The following ELP2 variants were observed in gnomAD, a reference collection of about 807,000 sequenced individuals.
ELP2 encodes elongator acetyltransferase complex subunit 2, also known as elongator complex protein 2.
In ELP2, 90 loss-of-function variants were observed where a neutral mutation model predicts 119.2. The observed-to-expected ratio is 0.75, with a 90% CI of 0.64 to 0.90. The LOEUF (loss-of-function observed/expected upper bound fraction) is 0.90, where lower values mean the gene tolerates loss of function less well. Ranked by LOEUF, ELP2 falls within the 40% of genes least tolerant of loss-of-function variation. The pLI, the probability that ELP2 is intolerant of heterozygous loss-of-function variation, is 0.00. For missense variants in ELP2, 921 were observed against 967.8 expected, an observed-to-expected ratio of 0.95 and a Z score of 0.64; for synonymous variants, 339 against 331.0, an observed-to-expected ratio of 1.02 and a Z score of -0.26.
rs1330524034 is a variant in ELP2, at chr18:36,163,273, GGGGT to G, written c.1762-1200_1762-1197del. On this transcript the variant is annotated intron_variant, in intron 17 of 21. Coordinates refer to ENST00000358232, the MANE Select transcript of ELP2 (RefSeq NM_018255.4). ...TTTATGGCCGAGTAGTAGTTCATGGGGGGTGTGTGTGTGTGTGTGTGTGTGTATA... is the reference window on the plus strand; with the variant it reads ...TTTATGGCCGAGTAGTAGTTCATGGGGTGTGTGTGTGTGTGTGTGTGTATA... Among the ~76,000 whole-genome samples the G allele has an allele frequency of 8.2e-3, 9 of 1,098 alleles. No individual in the cohort carries two copies. In the East Asian group the frequency reaches 0.21, roughly 26 times the overall value. 0.7% of individuals were successfully genotyped at this position (1,098 alleles called of 152,430 possible). A position where few individuals can be genotyped will look rare whatever the true frequency, so the allele number is the denominator to read the frequency against.
intron 3 of ELP2, among the ~76,000 whole-genome samples, chr18:36,137,665 A>C (rs1218180360): frequency 1.3e-5 from 2 of 152,148 alleles, no homozygotes; most frequent in Non-Finnish European, 2.9e-5. Flanking sequence ...GGGATTTCCC[A>C]CTTCTCTTTG....
chr18:36,173,819 T>G (rs961424388), intron 21 of ELP2, among the ~76,000 whole-genome samples: 1 of 152,224 alleles, frequency 6.6e-6, no homozygotes, highest in African/African-American at 2.4e-5. Flanking sequence ...ATTTGCAGGT[T>G]AAATTTATAG....
chr18:36,153,836 A>G (rs1004091707), intron 11 of ELP2, among the ~76,000 whole-genome samples: 6 of 151,740 alleles, frequency 4.0e-5, no homozygotes, highest in African/African-American at 1.5e-4. Flanking sequence ...GAAGGTACAG[A>G]GTTTCCACGT....
At chr18:36,166,197 C>CAA (rs11450650) in intron 18 of ELP2, among the ~76,000 whole-genome samples, 5 of 148,642 alleles carry the variant, frequency 3.4e-5, no homozygotes, top group South Asian at 2.1e-4. Context: ...CGTCCCCCTG[C>CAA]AAAAAAAAAT....
chr18:36,174,687 T>C lies in ELP2; in HGVS notation c.*46T>C, dbSNP rs776102281. 56 of 1,594,760 alleles carry C rather than the reference T, an allele frequency of 3.5e-5. No individual in the cohort carries two copies. Among genetic ancestry groups the C allele is most frequent in the Non-Finnish European group, 4.7e-5 (55 of 1,163,550 alleles). ...TTGCAGTCACTGGTATCTTAAAATATTATCATGTAAACAGGTCATCTTTAC... is the reference window on the plus strand; with the variant it reads ...TTGCAGTCACTGGTATCTTAAAATACTATCATGTAAACAGGTCATCTTTAC... On this transcript the variant is annotated 3_prime_UTR_variant, in exon 22 of 22. Coordinates refer to ENST00000358232, the MANE Select transcript of ELP2 (RefSeq NM_018255.4).
Position 36,129,991 on chromosome 18 carries a change from G to C in ELP2, c.58G>C (p.Gly20Arg), listed in dbSNP as rs1459931442. 1 of 1,614,210 alleles carries C rather than the reference G, an allele frequency of 6.2e-7. No homozygotes were observed. The highest frequency in any genetic ancestry group is 8.5e-7 in the Non-Finnish European group (1 of 1,180,032). ...HVFCCPNRVRGVLNWSSGPRG... is the reference protein window; with the variant it reads ...HVFCCPNRVRRVLNWSSGPRG... ...GTTTTGCTGCCCAAACCGGGTGCGGGGAGTCCTGAACTGGAGCTCTGGGCC... is the reference window on the plus strand; with the variant it reads ...GTTTTGCTGCCCAAACCGGGTGCGGCGAGTCCTGAACTGGAGCTCTGGGCC... Residue 20 changes from glycine to arginine, a missense_variant, in exon 1 of 22, where the codon GGA (glycine) becomes CGA (arginine). Coordinates refer to ENST00000358232, the MANE Select transcript of ELP2 (RefSeq NM_018255.4).
chr18:36,155,267 C>A (rs1303073869), intron 12 of ELP2, among the ~76,000 whole-genome samples: 1 of 66,654 alleles, frequency 1.5e-5, no homozygotes, highest in Non-Finnish European at 3.9e-5. Flanking sequence ...CCGCCCCTCC[C>A]CCCCCCCCGC....
At chr18:36,156,897 A>G (rs2090592001) in intron 13 of ELP2, among the ~76,000 whole-genome samples, 1 of 152,214 alleles carries the variant, frequency 6.6e-6, no homozygotes, top group African/African-American at 2.4e-5. Context: ...CAATTGAGAC[A>G]TGAATATGAT....
chr18:36,167,216 CAAAA>C lies in ELP2; in HGVS notation c.2072_2075del (p.Lys691ArgfsTer32), dbSNP rs774225192. On this transcript the variant is annotated frameshift_variant and splice_region_variant, in exon 19 of 22. Coordinates refer to ENST00000358232, the MANE Select transcript of ELP2 (RefSeq NM_018255.4). LOFTEE classifies it high-confidence loss of function. Reference sequence around the variant, plus strand: ...AGTATTTCTTCACTGGGAGTCGAGACAAAAAGGTAATTATTTAAAAATTTAATAT... The same window carrying C: ...AGTATTTCTTCACTGGGAGTCGAGACAGGTAATTATTTAAAAATTTAATAT... 31 of 1,583,506 alleles carry C rather than the reference CAAAA, an allele frequency of 2.0e-5. No individual in the cohort carries two copies. The highest frequency in any genetic ancestry group is 2.1e-5 in the Non-Finnish European group (25 of 1,163,274).
At chr18:36,142,426 T>C in intron 7 of ELP2, 79 bp downstream of exon 7, 3 of 1,218,828 alleles carry the variant, frequency 2.5e-6, no homozygotes, top group Admixed American at 1.7e-5. Flanking sequence ...TTTTTTGTTT[T>C]AATTTTTAAG....
At chr18:36,154,723 G>A (rs2090506932) in intron 11 of ELP2, 127 bp from the exon 12 acceptor site, 5 of 967,056 alleles carry the variant, frequency 5.2e-6, no homozygotes, top group Middle Eastern at 2.7e-4. Context: ...TCTGTGATCC[G>A]ATCTTGTATA....
At chr18:36,157,462 T>G (rs1425746771) in intron 13 of ELP2, among the ~76,000 whole-genome samples, 2 of 152,130 alleles carry the variant, frequency 1.3e-5, no homozygotes, top group Non-Finnish European at 2.9e-5. Flanking sequence ...CCTGTTGGAC[T>G]GAAGACTGGA....
Position 36,145,947 on chromosome 18 carries a change from G to A in ELP2, c.893-1G>A, listed in dbSNP as rs1398427820. 1 of 1,611,610 alleles carries A rather than the reference G, an allele frequency of 6.2e-7. No individual in the cohort carries two copies. Among genetic ancestry groups the A allele is most frequent in the Admixed American group, 1.7e-5 (1 of 60,002 alleles). On this transcript the variant is annotated splice_acceptor_variant, in intron 9 of 21. Coordinates refer to ENST00000358232, the MANE Select transcript of ELP2 (RefSeq NM_018255.4). LOFTEE classifies it high-confidence loss of function. ...TAAAGGGATTAGGTTTTATTTTTTA[G>A]ATGGTGTCCTACAGCAGCCAGTGAG...
chr18:36,154,277 GGTT>G (rs1313097931), intron 11 of ELP2, among the ~76,000 whole-genome samples: 1 of 152,034 alleles, frequency 6.6e-6, no homozygotes, highest in Non-Finnish European at 1.5e-5. Flanking sequence ...TTGTTTATAT[GGTT>G]GTTGTTGCAG....
chr18:36,160,650 CTT>C (rs2090709025), intron 16 of ELP2, among the ~76,000 whole-genome samples: 1 of 150,400 alleles, frequency 6.6e-6, no homozygotes, highest in African/African-American at 2.4e-5. Context: ...CTGATGAAGA[CTT>C]TTCCATGTTT....
chr18:36,156,929 C>T (rs1046632923), intron 13 of ELP2, among the ~76,000 whole-genome samples: 2 of 151,952 alleles, frequency 1.3e-5, no homozygotes, highest in African/African-American at 2.4e-5. Context: ...GTGTTAGGTA[C>T]CTAGAATAGA....
intron 2 of ELP2, among the ~76,000 whole-genome samples, chr18:36,135,340 A>G (rs916722160): frequency 6.6e-6 from 1 of 152,210 alleles, no homozygotes; most frequent in Non-Finnish European, 1.5e-5. Flanking sequence ...TTGTATTTTT[A>G]ATATGTCTGA....
intron 11 of ELP2, 112 bp downstream of exon 11, chr18:36,146,493 CA>C: frequency 8.3e-7 from 1 of 1,198,588 alleles, no homozygotes; most frequent in Non-Finnish European, 1.2e-6. Flanking sequence ...ACTTGAAGTT[CA>C]AGTGACATAA....
chr18:36,165,606 G>A (rs756707010), intron 18 of ELP2, among the ~76,000 whole-genome samples: 13 of 152,204 alleles, frequency 8.5e-5, no homozygotes, highest in Non-Finnish European at 1.9e-4. Context: ...AGTCCACCAG[G>A]CACAGTGGCT....
Sources: allele counts gnomAD v4.1 joint callset (sites outside exome capture counted in the v4.1 genomes callset), GRCh38; gene constraint gnomAD v4.1.1; transcripts MANE v1.5; gene names NCBI Gene and HGNC (gene_info 2026-07-23, HGNC 2026-07-21).